The following SMAD6 variants were observed in gnomAD, a reference collection of about 807,000 sequenced individuals.
The protein encoded by SMAD6 is SMAD family member 6.
Under a neutral mutation model 39.4 loss-of-function variants are expected in SMAD6, and 103 were observed. The observed-to-expected ratio is 2.62, with a 90% confidence interval of 2.23 to 3.08. The LOEUF is 3.08. Ranked by LOEUF, SMAD6 falls within the 30% of genes most tolerant of loss-of-function variation. The pLI is 0.00. For synonymous variants in SMAD6, 445 were observed against 353.3 expected (o/e 1.26, Z -2.91); for missense variants, 1,104 against 742.9 (o/e 1.49, Z -5.65).
Position 66,703,842 on chromosome 15 carries a change from T to G in SMAD6, c.584T>G (p.Val195Gly), listed in dbSNP as rs868327024. Reference protein sequence around the residue: ...ERSLDTLLEAVESRGGVPGGC... With the variant: ...ERSLDTLLEAGESRGGVPGGC... Reference sequence around the variant, plus strand: ...TCGCTGGACACGCTGCTGGAGGCGGTGGAGTCCCGCGGCGGCGTGCCGGGC... The same window carrying G: ...TCGCTGGACACGCTGCTGGAGGCGGGGGAGTCCCGCGGCGGCGTGCCGGGC... Residue 195 changes from valine (V) to glycine (G), a missense_variant, in exon 1 of 4, where the codon GTG (valine) becomes GGG (glycine). Transcript: ENST00000288840. The G allele has an allele frequency of 1.4e-6, 2 of 1,383,578 alleles. No homozygotes were observed. Among genetic ancestry groups the G allele is most frequent in the Non-Finnish European group, 1.9e-6 (2 of 1,056,932 alleles). 85.7% of individuals were successfully genotyped at this position (1,383,578 alleles called of 1,614,324 possible).
At chr15:66,729,916 G>C (rs1490493536) in intron 3 of SMAD6, among the ~76,000 whole-genome samples, 2 of 152,230 alleles carry the variant, frequency 1.3e-5, no homozygotes, top group Non-Finnish European at 2.9e-5. Context: ...CCGCAGAAGG[G>C]GCGGGGAGGG....
intron 2 of SMAD6, among the ~76,000 whole-genome samples, chr15:66,716,075 ATTG>A (rs2140603787): frequency 6.6e-6 from 1 of 152,312 alleles, no homozygotes; most frequent in Admixed American, 6.5e-5. Context: ...GCAACTATGA[ATTG>A]TTTAGGGGCT....
intron 3 of SMAD6, among the ~76,000 whole-genome samples, chr15:66,731,201 G>A (rs1164838563): frequency 6.6e-6 from 1 of 152,000 alleles, no homozygotes; most frequent in East Asian, 1.9e-4. Flanking sequence ...CACTTTGGGA[G>A]GCCGAGGCGG....
At chr15:66,737,499 T>TA (rs978376123) in intron 3 of SMAD6, among the ~76,000 whole-genome samples, 2 of 152,086 alleles carry the variant, frequency 1.3e-5, no homozygotes, top group Non-Finnish European at 2.9e-5. Context: ...TGGCATGGTG[T>TA]AGGCACTTGG....
At chr15:66,712,722 T>G (rs926570633) in intron 2 of SMAD6, among the ~76,000 whole-genome samples, 4 of 149,450 alleles carry the variant, frequency 2.7e-5, no homozygotes, top group African/African-American at 9.9e-5. Context: ...GAGTAGAGGT[T>G]GTGGTTGGGA....
In SMAD6 at chr15:66,781,259, C is replaced by T; in HGVS notation, c.1215C>T (p.Arg405=). Residue 405 remains arginine, a synonymous_variant, in exon 4 of 4, where the codon CGC becomes CGT. Coordinates refer to ENST00000288840, the MANE Select transcript of SMAD6 (RefSeq NM_005585.5). The stretch of plus-strand genomic sequence containing the variant: ...CCGACGGCGTGTGGGCCTACAACCG[C>T]GGCGAGCACCCCATCTTCGTCAACT... The part of the protein sequence containing the change: ...KEPDGVWAYN[R]GEHPIFVNSP... 1 of 1,608,120 alleles carries T rather than the reference C, an allele frequency of 6.2e-7. No individual in the cohort carries two copies. The highest frequency in any genetic ancestry group is 8.5e-7 in the Non-Finnish European group (1 of 1,179,176).
intron 3 of SMAD6, among the ~76,000 whole-genome samples, chr15:66,778,561 G>C (rs1894505976): frequency 6.6e-6 from 1 of 152,144 alleles, no homozygotes; most frequent in African/African-American, 2.4e-5. Context: ...TCCAAGAGTG[G>C]GGATAGTGAC....
chr15:66,756,418 C>T (rs770835535), intron 3 of SMAD6, among the ~76,000 whole-genome samples: 20 of 152,250 alleles, frequency 1.3e-4, no homozygotes, highest in Admixed American at 3.3e-4. Context: ...CCTGCTATTC[C>T]GTTTAACAGG....
Position 66,782,534 on chromosome 15 carries a change from A to G in SMAD6, c.*999A>G, listed in dbSNP as rs575167823. On this transcript the variant is annotated 3_prime_UTR_variant, in exon 4 of 4. Coordinates refer to ENST00000288840, the MANE Select transcript of SMAD6 (RefSeq NM_005585.5). ...TCAGAATCTGCCCATCCAGGGCTGTATTAATGATTTATGTAAAGGCAGATG... is the reference window on the plus strand; with the variant it reads ...TCAGAATCTGCCCATCCAGGGCTGTGTTAATGATTTATGTAAAGGCAGATG... 10 of 152,330 alleles carry G rather than the reference A, an allele frequency of 6.6e-5. No individual in the cohort carries two copies. The East Asian group carries it at 1.5e-3, about 23-fold the overall frequency. The allele number at this position is 152,330 out of a possible 1,614,324, so 9.4% of individuals were successfully genotyped here. A position where few individuals can be genotyped will look rare whatever the true frequency, so the allele number is the denominator to read the frequency against.
Position 66,782,524 on chromosome 15 carries a change from C to G in SMAD6, c.*989C>G, listed in dbSNP as rs1283821243. On this transcript the variant is annotated 3_prime_UTR_variant, in exon 4 of 4. Transcript: ENST00000288840. ...CAAAAATAGCTCAGAATCTGCCCAT[C>G]CAGGGCTGTATTAATGATTTATGTA... The G allele has an allele frequency of 6.6e-6, 1 of 152,154 alleles. No individual in the cohort carries two copies. The highest frequency in any genetic ancestry group is 1.5e-5 in the Non-Finnish European group (1 of 68,044). 9.4% of individuals were successfully genotyped at this position (152,154 alleles called of 1,614,324 possible).
chr15:66,709,523 C>T (rs1009048356), intron 1 of SMAD6, among the ~76,000 whole-genome samples: 1 of 152,208 alleles, frequency 6.6e-6, no homozygotes, highest in Non-Finnish European at 1.5e-5. Context: ...ACTCCAGCCA[C>T]TACTGCCCAT....
chr15:66,731,804 C>T (rs1311296277), intron 3 of SMAD6, among the ~76,000 whole-genome samples: 1 of 152,110 alleles, frequency 6.6e-6, no homozygotes, highest in South Asian at 2.1e-4. Flanking sequence ...CACTGCTTTC[C>T]GAAGTGGTTG....
chr15:66,733,688 G>A (rs982567595), intron 3 of SMAD6, among the ~76,000 whole-genome samples: 1 of 152,138 alleles, frequency 6.6e-6, no homozygotes, highest in Non-Finnish European at 1.5e-5. Context: ...TTTTTTCAGG[G>A]GAAGAGTTGT....
intron 3 of SMAD6, chr15:66,740,826 C>T (rs554790167): frequency 1.9e-4 from 29 of 152,344 alleles, no homozygotes; most frequent in African/African-American, 7.0e-4. Context: ...TTTTCTTCCT[C>T]CCACACTTTG....
At chr15:66,778,883 A>G (rs187756465) in intron 3 of SMAD6, among the ~76,000 whole-genome samples, 96 of 152,312 alleles carry the variant, frequency 6.3e-4, no homozygotes, top group African/African-American at 2.2e-3. Context: ...GAAGGCACTC[A>G]TGGATGCCGT....
intron 3 of SMAD6, among the ~76,000 whole-genome samples, chr15:66,754,542 G>A (rs1373826744): frequency 2.0e-5 from 3 of 152,148 alleles, no homozygotes; most frequent in Non-Finnish European, 4.4e-5. Context: ...GCGGTGGATA[G>A]GATTCATTTA....
chr15:66,733,647 T>G (rs1893667564), intron 3 of SMAD6, among the ~76,000 whole-genome samples: 1 of 152,218 alleles, frequency 6.6e-6, no homozygotes. Flanking sequence ...GCATAGGACT[T>G]TCATGGCTTG....
At chr15:66,756,341 A>G (rs1041754163) in intron 3 of SMAD6, among the ~76,000 whole-genome samples, 5 of 152,150 alleles carry the variant, frequency 3.3e-5, no homozygotes, top group Non-Finnish European at 7.3e-5. Flanking sequence ...TTTAAATTAC[A>G]GGCCAGCCCG....
chr15:66,757,113 G>A (rs1459828661), intron 3 of SMAD6, among the ~76,000 whole-genome samples: 1 of 152,196 alleles, frequency 6.6e-6, no homozygotes, highest in African/African-American at 2.4e-5. Flanking sequence ...CCCATCTGTA[G>A]TGTACGTGAT....
Sources: gnomAD v4.1 joint callset for allele counts (sites outside exome capture counted in the v4.1 genomes callset) on GRCh38, gnomAD v4.1.1 for gene constraint, MANE v1.5 for transcripts, NCBI Gene and HGNC (gene_info 2026-07-23, HGNC 2026-07-21) for gene names.